TVP23C: variants seen among roughly 807,000 people sequenced by gnomAD.
The protein encoded by TVP23C is trans-golgi network vesicle protein 23 homolog C, also known as Golgi apparatus membrane protein TVP23 homolog C.
In TVP23C, 19 loss-of-function variants were observed where a neutral mutation model predicts 28.7. That is an observed-to-expected ratio of 0.66 (90% confidence interval 0.46 to 0.97). TVP23C has a LOEUF of 0.97. Among genes scored for constraint, TVP23C ranks in the 50% least tolerant of loss-of-function variants. The pLI is 0.00. For missense variants in TVP23C, 186 were observed against 241.3 expected (o/e 0.77, Z 1.52); for synonymous variants, 68 against 81.7 (o/e 0.83, Z 0.90).
chr17:15,519,859 G>A (rs1306861417), intron 5 of TVP23C, among the ~76,000 whole-genome samples: 8 of 152,310 alleles, frequency 5.3e-5, no homozygotes, highest in South Asian at 2.1e-4. Context: ...CCGAGATCGC[G>A]CCACTGCACT....
intron 1 of TVP23C, among the ~76,000 whole-genome samples, chr17:15,560,648 C>G (rs1984339388): frequency 1.3e-5 from 2 of 148,888 alleles, no homozygotes; most frequent in African/African-American, 4.9e-5. Context: ...CTCCGCCTCC[C>G]AGGTTTACGC....
At chr17:15,528,833 A>G (rs912368796) in intron 5 of TVP23C, among the ~76,000 whole-genome samples, 8 of 151,082 alleles carry the variant, frequency 5.3e-5, no homozygotes, top group Non-Finnish European at 8.8e-5. Context: ...CCTGACCTCA[A>G]GTGACCTGCC....
In TVP23C at chr17:15,538,976, C is replaced by A; in HGVS notation, c.*1436G>T. On this transcript the variant is annotated 3_prime_UTR_variant, in exon 6 of 6. Transcript: ENST00000518321. ...AAACTGTACAGTAGAATAAAAAGAA[C>A]AATAAATTTTGAGTACAGAGGGCTG... 2 of 985,680 alleles carry A rather than the reference C, an allele frequency of 2.0e-6. No individual in the cohort carries two copies. Among genetic ancestry groups the A allele is most frequent in the Non-Finnish European group, 2.4e-6 (2 of 829,842 alleles). The allele number at this position is 985,680 out of a possible 1,614,324, so 61.1% of individuals were successfully genotyped here.
chr17:15,542,202 A>G (rs1983440297), intron 5 of TVP23C, among the ~76,000 whole-genome samples: 1 of 152,226 alleles, frequency 6.6e-6, no homozygotes, highest in Non-Finnish European at 1.5e-5. Flanking sequence ...AGAAAAGCAA[A>G]AGACCCGAGA....
intron 5 of TVP23C, among the ~76,000 whole-genome samples, chr17:15,508,580 T>TG (rs1981869933): frequency 6.6e-6 from 1 of 152,144 alleles, no homozygotes; most frequent in Non-Finnish European, 1.5e-5. Flanking sequence ...CACATGCCTT[T>TG]GCTCCCCTCC....
chr17:15,563,231 G>A (rs981972449), intron 1 of TVP23C: 133 of 918,400 alleles, frequency 1.4e-4, no homozygotes, highest in Middle Eastern at 3.5e-4. Context: ...TACTTGCTCT[G>A]CGCCGCACGG....
At chr17:15,550,217 T>C (rs1983828294) in intron 3 of TVP23C, among the ~76,000 whole-genome samples, 1 of 152,226 alleles carries the variant, frequency 6.6e-6, no homozygotes. Flanking sequence ...AGTTTAACTG[T>C]AAATGATCAC....
exon 6 of TVP23C, chr17:15,503,038 G>A: frequency 1.9e-6 from 3 of 1,614,018 alleles, no homozygotes; most frequent in Non-Finnish European, 2.5e-6. Context: ...AACTAAGGCG[G>A]GGCGCAGGTT....
At chr17:15,510,540 C>T (rs1389728515) in intron 5 of TVP23C, among the ~76,000 whole-genome samples, 1 of 152,160 alleles carries the variant, frequency 6.6e-6, no homozygotes, top group African/African-American at 2.4e-5. Context: ...GTGAAAACAG[C>T]TGGCTAAGAG....
chr17:15,556,714 A>G (rs1984150268), intron 1 of TVP23C, among the ~76,000 whole-genome samples: 1 of 152,010 alleles, frequency 6.6e-6, no homozygotes, highest in Non-Finnish European at 1.5e-5. Flanking sequence ...CCCCTCAACT[A>G]CAACAAACCT....
intron 5 of TVP23C, among the ~76,000 whole-genome samples, chr17:15,517,544 T>C (rs932808040): frequency 3.3e-5 from 5 of 152,194 alleles, no homozygotes; most frequent in East Asian, 1.9e-4. Flanking sequence ...CCTCATCAAG[T>C]TGTTATGAGC....
intron 5 of TVP23C, among the ~76,000 whole-genome samples, chr17:15,504,572 T>C (rs1981639420): frequency 6.6e-6 from 1 of 151,830 alleles, no homozygotes; most frequent in Non-Finnish European, 1.5e-5. Flanking sequence ...AAAGACAATT[T>C]TTTTTTAAGA....
chr17:15,552,414 G>A (rs2150858349), intron 3 of TVP23C, among the ~76,000 whole-genome samples: 1 of 152,350 alleles, frequency 6.6e-6, no homozygotes, highest in East Asian at 1.9e-4. Flanking sequence ...AGGCGCAGTG[G>A]CTCACGCCTG....
chr17:15,506,768 A>ACG (rs201981908), intron 5 of TVP23C: 206,876 of 405,006 alleles, frequency 0.51, 55,678 homozygotes, highest in Middle Eastern at 0.61. Context: ...CAAACTCCAG[A>ACG]CGCGCCACCT....
At position 15,527,945 on chromosome 17, in the gene TVP23C, C is replaced by T. The variant is rs192280172; in HGVS notation, c.462+17840G>A. Among the ~76,000 whole-genome samples, 745 of 152,302 alleles carry T rather than the reference C, an allele frequency of 4.9e-3. 3 individuals are homozygous for T. Among genetic ancestry groups the T allele is most frequent in the African/African-American group, 0.017 (710 of 41,566 alleles). ...TGTATATTCTATTGGGATAACCAATCGCTTTACAAAAGCATTCAGTAAGGA... is the reference window on the plus strand; with the variant it reads ...TGTATATTCTATTGGGATAACCAATTGCTTTACAAAAGCATTCAGTAAGGA... On this transcript the variant is annotated intron_variant, in intron 5 of 5. Coordinates refer to the TVP23C transcript ENST00000225576.
At chr17:15,522,830 G>C (rs1360745717) in intron 5 of TVP23C, among the ~76,000 whole-genome samples, 1 of 137,592 alleles carries the variant, frequency 7.3e-6, no homozygotes, top group Non-Finnish European at 1.7e-5. Flanking sequence ...ATCACCTGAG[G>C]TCAGGAGTTC....
intron 3 of TVP23C, among the ~76,000 whole-genome samples, chr17:15,548,676 TG>T (rs1180012685): frequency 6.6e-6 from 1 of 152,238 alleles, no homozygotes; most frequent in Non-Finnish European, 1.5e-5. Flanking sequence ...TTATTAGACC[TG>T]CCACTAGATC....
At chr17:15,503,345 C>T in intron 5 of TVP23C, 1 of 1,326,718 alleles carries the variant, frequency 7.5e-7, no homozygotes, top group Non-Finnish European at 1.0e-6. Context: ...GTCGAAGCTG[C>T]AATGAGCTGT....
chr17:15,503,091 T>C, exon 6 of TVP23C: 2 of 1,614,152 alleles, frequency 1.2e-6, no homozygotes, highest in Non-Finnish European at 1.7e-6. Context: ...AAAGAATTAA[T>C]GTCTACCTGA....
Sources: gnomAD v4.1 joint callset for allele counts (sites outside exome capture counted in the v4.1 genomes callset) on GRCh38, gnomAD v4.1.1 for gene constraint, MANE v1.5 for transcripts, NCBI Gene and HGNC (gene_info 2026-07-23, HGNC 2026-07-21) for gene names.